The following NRG3 variants were observed in gnomAD, a reference collection of about 807,000 sequenced individuals.
The protein encoded by NRG3 is pro-neuregulin-3, membrane-bound isoform.
A neutral mutation model predicts 66.9 loss-of-function variants in NRG3; 31 were observed. The ratio of observed to expected loss-of-function variants is 0.46; its 90% CI spans 0.35 to 0.63. The LOEUF is 0.63. Ranked by LOEUF, NRG3 falls within the 20% of genes least tolerant of loss-of-function variation. NRG3 has a pLI of 0.00. For synonymous variants in NRG3, 393 were observed against 359.4 expected (o/e 1.09, Z -1.06); for missense variants, 910 against 878.9 (o/e 1.04, Z -0.45).
At chr10:82,062,520 T>TG (rs1294240536) in intron 1 of NRG3, among the ~76,000 whole-genome samples, 6 of 151,558 alleles carry the variant, frequency 4.0e-5, no homozygotes, top group African/African-American at 1.5e-4. Context: ...GCAGGAGAAT[T>TG]GCTCTAACCT....
chr10:82,642,200 G>T lies in NRG3; in HGVS notation c.954-96377G>T, dbSNP rs1408172184. Among the ~76,000 whole-genome samples the T allele has an allele frequency of 3.3e-5, 5 of 151,838 alleles. No individual in the cohort carries two copies. The East Asian group carries it at 9.7e-4, about 29-fold the overall frequency. ...TTTTATCTATTTGCATGGCTTCATG[G>T]TATTCTATTATATACATATGCCACA... On this transcript the variant is annotated intron_variant, in intron 2 of 8. Coordinates refer to ENST00000372141, the MANE Select transcript of NRG3 (RefSeq NM_001010848.4).
intron 1 of NRG3, among the ~76,000 whole-genome samples, chr10:81,957,307 G>T (rs1327474743): frequency 6.6e-6 from 1 of 151,934 alleles, no homozygotes; most frequent in Non-Finnish European, 1.5e-5. Context: ...ATAGTACCTG[G>T]TATTTCTCTA....
Position 82,710,865 on chromosome 10 carries a change from A to G in NRG3, c.954-27712A>G, listed in dbSNP as rs938945429. ...AAACATTTTGTTTATATGATTTGCA[A>G]TGATCTTTTTACTGCCTTGGGCTTT... On this transcript the variant is annotated intron_variant, in intron 2 of 8. Transcript: ENST00000372141. Among the ~76,000 whole-genome samples the G allele has an allele frequency of 2.0e-5, 3 of 152,066 alleles. No individual in the cohort carries two copies. The East Asian group carries it at 5.8e-4, about 29-fold the overall frequency.
chr10:82,712,896 G>A (rs1158393469), intron 2 of NRG3, among the ~76,000 whole-genome samples: 17 of 152,004 alleles, frequency 1.1e-4, no homozygotes, highest in Non-Finnish European at 1.9e-4. Context: ...AAGACAGACG[G>A]ATCAGTTGAG....
At chr10:82,102,079 T>C (rs1176651205) in intron 1 of NRG3, among the ~76,000 whole-genome samples, 1 of 122,056 alleles carries the variant, frequency 8.2e-6, no homozygotes, top group African/African-American at 3.0e-5. Flanking sequence ...TGTATACATA[T>C]ATATATGTGT....
intron 1 of NRG3, among the ~76,000 whole-genome samples, chr10:82,307,035 A>G (rs1159862002): frequency 2.0e-5 from 3 of 151,870 alleles, no homozygotes; most frequent in African/African-American, 7.3e-5. Context: ...TTAGTCATTA[A>G]TTTCTTATTT....
intron 2 of NRG3, among the ~76,000 whole-genome samples, chr10:82,659,873 C>T (rs1411931983): frequency 6.6e-6 from 1 of 151,684 alleles, no homozygotes; most frequent in Non-Finnish European, 1.5e-5. Flanking sequence ...TATAAGATGC[C>T]CACAGTTGCT....
chr10:82,648,931 T>G (rs1433411753), intron 2 of NRG3, among the ~76,000 whole-genome samples: 8 of 152,072 alleles, frequency 5.3e-5, no homozygotes, highest in African/African-American at 9.7e-5. Flanking sequence ...CAACCCTTCA[T>G]GCTAAAAACT....
At chr10:81,962,818 C>T (rs909263172) in intron 1 of NRG3, among the ~76,000 whole-genome samples, 6 of 152,164 alleles carry the variant, frequency 3.9e-5, no homozygotes, top group African/African-American at 1.4e-4. Flanking sequence ...GGCATCCCAT[C>T]CTCCAGGGTC....
At chr10:81,892,079 A>G (rs2132564919) in intron 1 of NRG3, among the ~76,000 whole-genome samples, 1 of 152,268 alleles carries the variant, frequency 6.6e-6, no homozygotes, top group East Asian at 1.9e-4. Context: ...TGTGATACAT[A>G]CGTGGGACTT....
intron 1 of NRG3, among the ~76,000 whole-genome samples, chr10:82,239,532 A>G (rs2076915767): frequency 6.6e-6 from 1 of 152,112 alleles, no homozygotes; most frequent in South Asian, 2.1e-4. Flanking sequence ...GGTGTAAATG[A>G]TATTTATTGT....
intron 1 of NRG3, among the ~76,000 whole-genome samples, chr10:81,974,283 C>T (rs749386246): frequency 2.6e-5 from 4 of 151,606 alleles, no homozygotes; most frequent in South Asian, 2.1e-4. Context: ...CTTTTTTTAC[C>T]AGTACCATGC....
chr10:82,594,284 G>C (rs1351856491), intron 2 of NRG3, among the ~76,000 whole-genome samples: 1 of 152,086 alleles, frequency 6.6e-6, no homozygotes, highest in East Asian at 1.9e-4. Context: ...TATCATTTCT[G>C]CACAAATTCA....
chr10:82,658,550 T>TA (rs1330959518), intron 2 of NRG3, among the ~76,000 whole-genome samples: 3 of 125,286 alleles, frequency 2.4e-5, no homozygotes, highest in Non-Finnish European at 5.5e-5. Flanking sequence ...TTATGCAAAG[T>TA]AAAAAAGCCA....
At chr10:82,595,355 T>G (rs2047211447) in intron 2 of NRG3, among the ~76,000 whole-genome samples, 1 of 152,178 alleles carries the variant, frequency 6.6e-6, no homozygotes, top group Non-Finnish European at 1.5e-5. Flanking sequence ...TGTTACCCAA[T>G]TAGGTGCAAC....
At chr10:81,887,070 C>G (rs1318656087) in intron 1 of NRG3, among the ~76,000 whole-genome samples, 1 of 152,014 alleles carries the variant, frequency 6.6e-6, no homozygotes, top group Non-Finnish European at 1.5e-5. Flanking sequence ...CTCCATGAAT[C>G]AGTTCAATTA....
intron 1 of NRG3, among the ~76,000 whole-genome samples, chr10:81,897,283 G>T (rs181475988): frequency 6.6e-6 from 1 of 152,256 alleles, no homozygotes; most frequent in East Asian, 1.9e-4. Flanking sequence ...GAAAACCACA[G>T]GGACCTAGGT....
intron 3 of NRG3, among the ~76,000 whole-genome samples, chr10:82,754,905 A>T (rs564111215): frequency 8.5e-5 from 13 of 152,302 alleles, no homozygotes; most frequent in African/African-American, 3.1e-4. Context: ...CAGCCTGTGT[A>T]TAGCCATAGA....
intron 1 of NRG3, among the ~76,000 whole-genome samples, chr10:81,977,659 A>G (rs1564706443): frequency 1.3e-5 from 2 of 152,346 alleles, no homozygotes; most frequent in Non-Finnish European, 1.5e-5. Flanking sequence ...TTATGGTACC[A>G]TATAATCTAT....
Sources: allele counts gnomAD v4.1 joint callset (sites outside exome capture counted in the v4.1 genomes callset), GRCh38; gene constraint gnomAD v4.1.1; transcripts MANE v1.5; gene names NCBI Gene and HGNC (gene_info 2026-07-23, HGNC 2026-07-21).